The following SCYL3 variants were observed in gnomAD, a reference collection of about 807,000 sequenced individuals.
The protein encoded by SCYL3 is SCY1 like pseudokinase 3, also known as protein-associating with the carboxyl-terminal domain of ezrin.
In SCYL3, 35 loss-of-function variants were observed where a neutral mutation model predicts 73.8. The observed-to-expected ratio is 0.47, with a 90% confidence interval of 0.36 to 0.63. SCYL3 has a LOEUF of 0.63. SCYL3 is among the 20% of genes least tolerant of loss of function. The probability of loss-of-function intolerance (pLI) is 0.00; values close to 1 mark genes in which losing one functional copy is unlikely to be tolerated. For synonymous variants in SCYL3, 277 were observed against 295.2 expected (o/e 0.94, Z 0.63); for missense variants, 712 against 798.9 (o/e 0.89, Z 1.31).
chr1:169,857,788 T>TA (rs757315766), intron 11 of SCYL3, among the ~76,000 whole-genome samples: 222 of 152,332 alleles, frequency 1.5e-3, no homozygotes, highest in Middle Eastern at 3.4e-3. Context: ...AAATGCATCT[T>TA]AGACGATTTT....
At chr1:169,871,077 G>A (rs1660356204) in intron 5 of SCYL3, among the ~76,000 whole-genome samples, 1 of 148,324 alleles carries the variant, frequency 6.7e-6, no homozygotes, top group African/African-American at 2.5e-5. Context: ...GAAATCCTAA[G>A]TAATGGGCAG....
At position 169,882,589 on chromosome 1, in the gene SCYL3, C is replaced by T. The variant is rs187524937; in HGVS notation, c.166-3770G>A. On this transcript the variant is annotated intron_variant, in intron 2 of 12. Transcript: ENST00000367771. The stretch of plus-strand genomic sequence containing the variant: ...GCTGGGCTCCTGAGTCTGGTGGGGA[C>T]GTGGGGAACCTTTGTGTCTAGCTCA... Among the ~76,000 whole-genome samples, 1,068 of 152,320 alleles carry T rather than the reference C, an allele frequency of 7.0e-3. 3 individuals carry two copies. The highest frequency in any genetic ancestry group is 0.011 in the Non-Finnish European group (750 of 68,018).
At chr1:169,858,946 C>G (rs1659413245) in intron 11 of SCYL3, 95 bp downstream of exon 11, 1 of 1,056,674 alleles carries the variant, frequency 9.5e-7, no homozygotes, top group African/African-American at 1.7e-5. Flanking sequence ...TTCTTTATAT[C>G]ATTTGACTGA....
intron 11 of SCYL3, among the ~76,000 whole-genome samples, chr1:169,855,336 T>A (rs1659032823): frequency 6.6e-6 from 1 of 152,200 alleles, no homozygotes; most frequent in Non-Finnish European, 1.5e-5. Context: ...CAGGCTCAAA[T>A]AAGTTTGCCT....
rs115140524 is a variant in SCYL3 at position 169,856,199 on chromosome 1, T to C, written c.1313-1235A>G. Among the ~76,000 whole-genome samples the C allele has an allele frequency of 6.7e-3, 1,027 of 152,324 alleles. 9 individuals are homozygous for C. The highest frequency in any genetic ancestry group is 0.023 in the African/African-American group (953 of 41,570). ...TCCATGTGGTGATGGATCAAAGCAT[T>C]ACACAGATATAACCTTTGGGACACC... On this transcript the variant is annotated intron_variant, in intron 11 of 12. Coordinates refer to ENST00000367771, the MANE Select transcript of SCYL3 (RefSeq NM_020423.7).
Position 169,876,220 on chromosome 1 carries a change from AATT to A in SCYL3, c.352-132_352-130del, listed in dbSNP as rs532130981. On this transcript the variant is annotated intron_variant, in intron 3 of 12. Transcript: ENST00000367771. ...AAAACTAAATACTAATCACCAAAAA[AATT>A]ATGACAAGCCTTCCCACTTGTGGCA... 2.1e-4 allele frequency: 102 copies of A among 477,344 alleles called. 1 individual carries two copies. The South Asian group carries it at 3.8e-3, about 18-fold the overall frequency. 29.6% of individuals were successfully genotyped at this position (477,344 alleles called of 1,614,324 possible). A position where few individuals can be genotyped will look rare whatever the true frequency, so the allele number is the denominator to read the frequency against.
At chr1:169,883,408 G>T (rs1351598011) in intron 2 of SCYL3, among the ~76,000 whole-genome samples, 1 of 152,150 alleles carries the variant, frequency 6.6e-6, no homozygotes, top group Non-Finnish European at 1.5e-5. Flanking sequence ...ATGTCCTCTA[G>T]GTCCTAACAT....
intron 5 of SCYL3, among the ~76,000 whole-genome samples, chr1:169,872,732 G>A (rs539026480): frequency 1.2e-4 from 18 of 152,222 alleles, no homozygotes; most frequent in South Asian, 2.1e-4. Context: ...AGCGTGACCC[G>A]GATGCGAGAC....
chr1:169,864,132 C>T (rs1438367888), intron 9 of SCYL3, among the ~76,000 whole-genome samples: 1 of 152,162 alleles, frequency 6.6e-6, no homozygotes, highest in African/African-American at 2.4e-5. Flanking sequence ...ATTTCAGATT[C>T]TAGTCAGATA....
At chr1:169,865,355 C>T (rs1221223627) in intron 8 of SCYL3, among the ~76,000 whole-genome samples, 3 of 152,112 alleles carry the variant, frequency 2.0e-5, no homozygotes, top group Non-Finnish European at 4.4e-5. Context: ...CCTTCAAACC[C>T]CTACACCGCT....
intron 8 of SCYL3, 121 bp downstream of exon 8, chr1:169,866,775 G>C: frequency 1.5e-6 from 1 of 657,156 alleles, no homozygotes; most frequent in Non-Finnish European, 2.7e-6. Context: ...TGACACATAG[G>C]AAATGTTCAA....
At chr1:169,877,988 GC>G (rs1660973404) in intron 3 of SCYL3, among the ~76,000 whole-genome samples, 1 of 152,104 alleles carries the variant, frequency 6.6e-6, no homozygotes, top group Non-Finnish European at 1.5e-5. Flanking sequence ...TTGGTGGACT[GC>G]CAAAGACCTT....
At chr1:169,869,589 A>G (rs2102168633) in intron 6 of SCYL3, among the ~76,000 whole-genome samples, 1 of 152,368 alleles carries the variant, frequency 6.6e-6, no homozygotes, top group Middle Eastern at 3.4e-3. Context: ...TAGAACTGGC[A>G]CAAAGCTTGA....
chr1:169,885,757 T>C (rs1661639484), intron 2 of SCYL3, among the ~76,000 whole-genome samples: 1 of 152,224 alleles, frequency 6.6e-6, no homozygotes, highest in East Asian at 1.9e-4. Flanking sequence ...AGTGAAAATA[T>C]AGATCTGGAG....
rs374523209 is a variant in SCYL3, at chr1:169,883,209, A to G, written c.166-4390T>C. Reference sequence around the variant, plus strand: ...GCGAGGGTCCGCGGCTTCATTCTTGAAGTCAGTGAGACCAAGAACCCACCA... The same window carrying G: ...GCGAGGGTCCGCGGCTTCATTCTTGGAGTCAGTGAGACCAAGAACCCACCA... On this transcript the variant is annotated intron_variant, in intron 2 of 12. Coordinates refer to ENST00000367771, the MANE Select transcript of SCYL3 (RefSeq NM_020423.7). 1.9e-4 allele frequency among the ~76,000 whole-genome samples: 29 copies of G among 152,278 alleles called. No homozygotes were observed. The East Asian group carries it at 4.6e-3, about 24-fold the overall frequency.
chr1:169,872,372 T>C (rs79855976), intron 5 of SCYL3, among the ~76,000 whole-genome samples: 6,014 of 152,304 alleles, frequency 0.039, 403 homozygotes, highest in African/African-American at 0.14. Context: ...TTTGGGAACC[T>C]CCACCTAGAT....
chr1:169,854,155 G>T, intron 12 of SCYL3, 115 bp downstream of exon 12: 1 of 753,028 alleles, frequency 1.3e-6, no homozygotes, highest in Non-Finnish European at 2.1e-6. Flanking sequence ...TTAATTTTGT[G>T]CTTGACTTGA....
At position 169,852,746 on chromosome 1, in the gene SCYL3, T is replaced by C. The variant is rs1658555268; in HGVS notation, c.*967A>G. 1 of 1,585,316 alleles carries C rather than the reference T, an allele frequency of 6.3e-7. No homozygotes were observed. The highest frequency in any genetic ancestry group is 1.7e-5 in the Admixed American group (1 of 57,868). On this transcript the variant is annotated 3_prime_UTR_variant, in exon 13 of 13. Transcript: ENST00000367771. Reference sequence around the variant, plus strand: ...TCCAGTCCAAAAGGAAGGTTCTTTATATTTAGAATGGATATTGTGATATTA... The same window carrying C: ...TCCAGTCCAAAAGGAAGGTTCTTTACATTTAGAATGGATATTGTGATATTA...
chr1:169,868,823 C>T, intron 7 of SCYL3, 105 bp downstream of exon 7: 1 of 683,048 alleles, frequency 1.5e-6, no homozygotes. Context: ...ACAGAAACTG[C>T]ATCATTTGGT....
Sources: allele counts gnomAD v4.1 joint callset (sites outside exome capture counted in the v4.1 genomes callset), GRCh38; gene constraint gnomAD v4.1.1; transcripts MANE v1.5; gene names NCBI Gene and HGNC (gene_info 2026-07-23, HGNC 2026-07-21).